The following ASF1B variants were observed in gnomAD, a reference collection of about 807,000 sequenced individuals.
ASF1B encodes the protein histone chaperone ASF1B.
Under a neutral mutation model 16.6 loss-of-function variants are expected in ASF1B, and 10 were observed. The ratio of observed to expected loss-of-function variants is 0.60; its 90% confidence interval spans 0.37 to 1.02. ASF1B has a LOEUF of 1.02. Ranked by LOEUF, ASF1B falls within the 50% of genes least tolerant of loss-of-function variation. The pLI, the probability that ASF1B is intolerant of heterozygous loss-of-function variation, is 0.01. For synonymous variants in ASF1B, 101 were observed against 106.2 expected, an observed-to-expected ratio of 0.95 and a Z score of 0.30; for missense variants, 240 against 266.0, an observed-to-expected ratio of 0.90 and a Z score of 0.68.
chr19:14,129,147 G>A (rs1177587876), intron 1 of ASF1B, among the ~76,000 whole-genome samples: 1 of 152,102 alleles, frequency 6.6e-6, no homozygotes, highest in African/African-American at 2.4e-5. Context: ...CCAGCTATGC[G>A]GGAGGCTAAG....
At chr19:14,132,067 A>T (rs1434412400) in intron 1 of ASF1B, among the ~76,000 whole-genome samples, 1 of 118,404 alleles carries the variant, frequency 8.4e-6, no homozygotes, top group Admixed American at 1.1e-4. Flanking sequence ...TTGCTCTCTC[A>T]CCCAGGTTGG....
intron 2 of ASF1B, 47 bp from the exon 3 acceptor site, chr19:14,121,755 C>A (rs1238272384): frequency 6.6e-7 from 1 of 1,517,300 alleles, no homozygotes; most frequent in South Asian, 1.2e-5. Context: ...AGCCATGCCT[C>A]GATGTCATTA....
intron 1 of ASF1B, among the ~76,000 whole-genome samples, chr19:14,132,992 C>T (rs1032352717): frequency 6.6e-5 from 10 of 151,340 alleles, no homozygotes; most frequent in Non-Finnish European, 1.3e-4. Flanking sequence ...TGGTTTCGGG[C>T]GCCTGTAGTC....
Position 14,136,345 on chromosome 19 carries a change from C to T in ASF1B, c.109+3G>A. The T allele has an allele frequency of 6.2e-7, 1 of 1,612,686 alleles. No individual in the cohort carries two copies. The highest frequency in any genetic ancestry group is 8.5e-7 in the Non-Finnish European group (1 of 1,179,018). ...GGGGGTCCCCGCACAGGCCCAGCCT[C>T]ACCGTCCGCCAGGGCTTCACTGCAC... On this transcript the variant is annotated splice_donor_region_variant and intron_variant, in intron 1 of 3. Coordinates refer to ENST00000263382, the MANE Select transcript of ASF1B (RefSeq NM_018154.3).
Position 14,136,522 on chromosome 19 carries a change from C to T in ASF1B, c.-66G>A. 6.8e-7 allele frequency: 1 copy of T among 1,467,992 alleles called. No individual in the cohort carries two copies. The highest frequency in any genetic ancestry group is 1.2e-5 in the South Asian group (1 of 82,500). The allele number at this position is 1,467,992 out of a possible 1,614,324, so 90.9% of individuals were successfully genotyped here. A position where few individuals can be genotyped will look rare whatever the true frequency, so the allele number is the denominator to read the frequency against. On this transcript the variant is annotated 5_prime_UTR_variant, in exon 1 of 4. Transcript: ENST00000263382. ...GCTGTGGCGGAGGCCGCGCCTGGGT[C>T]CGGTGGGGTCAGTGGGGTAGGGCTG... is the stretch of plus-strand genomic sequence containing the variant.
chr19:14,124,515 T>C (rs1967289359), intron 2 of ASF1B, among the ~76,000 whole-genome samples: 1 of 152,212 alleles, frequency 6.6e-6, no homozygotes, highest in Admixed American at 6.5e-5. Flanking sequence ...ATCCTCATTA[T>C]TCATGGGTTC....
chr19:14,135,668 T>G (rs1487239632), intron 1 of ASF1B, among the ~76,000 whole-genome samples: 1 of 151,812 alleles, frequency 6.6e-6, no homozygotes, highest in African/African-American at 2.4e-5. Context: ...AAAAAAAGGT[T>G]ACTGGAGGGG....
chr19:14,135,049 C>T (rs946456405), intron 1 of ASF1B, among the ~76,000 whole-genome samples: 14 of 151,744 alleles, frequency 9.2e-5, no homozygotes, highest in African/African-American at 3.4e-4. Context: ...CATGGTGAAA[C>T]GCTGCCTCCA....
At chr19:14,123,809 G>C (rs763467001) in intron 2 of ASF1B, among the ~76,000 whole-genome samples, 1 of 125,616 alleles carries the variant, frequency 8.0e-6, no homozygotes, top group Non-Finnish European at 1.6e-5. Flanking sequence ...TTTTTTTTTA[G>C]AGACAGGGTC....
In ASF1B at chr19:14,123,370, T is replaced by C. The variant is rs556008853; in HGVS notation, c.226-1662A>G. Among the ~76,000 whole-genome samples, 427 of 150,760 alleles carry C rather than the reference T, an allele frequency of 2.8e-3. 2 individuals carry two copies. The highest frequency in any genetic ancestry group is 9.8e-3 in the African/African-American group (403 of 40,938). ...GAACTCAGAATCTCCATTTGTTTTT[T>C]CTTTCTTCTTTTTTTTTTTTTTTTT... On this transcript the variant is annotated intron_variant, in intron 2 of 3. Transcript: ENST00000263382.
Position 14,123,264 on chromosome 19 carries a change from G to A in ASF1B, c.226-1556C>T, listed in dbSNP as rs566437458. Among the ~76,000 whole-genome samples the A allele has an allele frequency of 1.6e-4, 25 of 152,190 alleles. No homozygotes were observed. The South Asian group carries it at 4.2e-3, about 25-fold the overall frequency. On this transcript the variant is annotated intron_variant, in intron 2 of 3. Transcript: ENST00000263382. Reference sequence around the variant, plus strand: ...GGCTGAAGGGGTTAGATAGGATGTGGTAGCTTGGATTAGGGCGGTAACAGC... The same window carrying A: ...GGCTGAAGGGGTTAGATAGGATGTGATAGCTTGGATTAGGGCGGTAACAGC...
intron 1 of ASF1B, among the ~76,000 whole-genome samples, chr19:14,128,077 G>A (rs1967345052): frequency 6.6e-6 from 1 of 152,222 alleles, no homozygotes; most frequent in Non-Finnish European, 1.5e-5. Context: ...TCTTGCAGGA[G>A]GTCCAAGTGT....
intron 1 of ASF1B, among the ~76,000 whole-genome samples, chr19:14,135,020 T>C (rs1390381156): frequency 6.6e-6 from 1 of 151,548 alleles, no homozygotes; most frequent in Non-Finnish European, 1.5e-5. Context: ...GGTCAGGAGT[T>C]CGAGACCAAC....
intron 1 of ASF1B, among the ~76,000 whole-genome samples, chr19:14,134,951 C>CG: frequency 6.6e-6 from 1 of 151,554 alleles, no homozygotes; most frequent in Non-Finnish European, 1.5e-5. Context: ...AGACGGGGCA[C>CG]GGTGGCTCAC....
chr19:14,129,033 A>C (rs1228545327), intron 1 of ASF1B, among the ~76,000 whole-genome samples: 1 of 152,206 alleles, frequency 6.6e-6, no homozygotes, highest in Non-Finnish European at 1.5e-5. Context: ...AACAAAGAGC[A>C]TGTGGAAACT....
At chr19:14,130,735 A>G (rs1326477461) in intron 1 of ASF1B, among the ~76,000 whole-genome samples, 1 of 151,048 alleles carries the variant, frequency 6.6e-6, no homozygotes, top group Non-Finnish European at 1.5e-5. Context: ...TCTCTGCGCT[A>G]ACTTCACAAG....
chr19:14,121,748 C>T (rs1213476737), intron 2 of ASF1B, 40 bp from the exon 3 acceptor site: 1 of 1,554,372 alleles, frequency 6.4e-7, no homozygotes, highest in Admixed American at 1.9e-5. Context: ...GTGCCACAGC[C>T]ATGCCTCGAT....
At chr19:14,130,467 A>C (rs1327230840) in intron 1 of ASF1B, among the ~76,000 whole-genome samples, 2 of 151,736 alleles carry the variant, frequency 1.3e-5, no homozygotes, top group Admixed American at 6.6e-5. Flanking sequence ...CCAGGAGTTC[A>C]AGTCCAGTCT....
At chr19:14,134,847 C>T (rs1437777601) in intron 1 of ASF1B, among the ~76,000 whole-genome samples, 3 of 151,974 alleles carry the variant, frequency 2.0e-5, no homozygotes, top group African/African-American at 2.4e-5. Context: ...CACAGCTCAG[C>T]CCAATCCACC....
Sources: gnomAD v4.1 joint callset for allele counts (sites outside exome capture counted in the v4.1 genomes callset) on GRCh38, gnomAD v4.1.1 for gene constraint, MANE v1.5 for transcripts, NCBI Gene and HGNC (gene_info 2026-07-23, HGNC 2026-07-21) for gene names.